SRGAP3: variants seen among roughly 807,000 people sequenced by gnomAD.
SRGAP3 encodes SLIT-ROBO Rho GTPase-activating protein 3.
A neutral mutation model predicts 121.1 loss-of-function variants in SRGAP3; 39 were observed. That is an observed-to-expected ratio of 0.32 (90% CI 0.25 to 0.42). The LOEUF is 0.42. Ranked by LOEUF, SRGAP3 falls within the 10% of genes least tolerant of loss-of-function variation. The pLI, the probability that SRGAP3 is intolerant of heterozygous loss-of-function variation, is 1.00. For missense variants in SRGAP3, 1,213 were observed against 1,470.6 expected, an observed-to-expected ratio of 0.82 and a Z score of 2.86; for synonymous variants, 601 against 570.0, an observed-to-expected ratio of 1.05 and a Z score of -0.77.
intron 5 of SRGAP3, among the ~76,000 whole-genome samples, chr3:9,063,257 T>C (rs1021044823): frequency 9.9e-5 from 15 of 150,840 alleles, no homozygotes; most frequent in African/African-American, 3.2e-4. Flanking sequence ...GCCTCCCAAG[T>C]GGCTGGGACT....
intron 3 of SRGAP3, among the ~76,000 whole-genome samples, chr3:9,093,037 G>A (rs1947820052): frequency 6.6e-6 from 1 of 152,162 alleles, no homozygotes; most frequent in Non-Finnish European, 1.5e-5. Flanking sequence ...GAGCCTGCAT[G>A]CATGTCATGG....
chr3:8,985,976 G>T lies in SRGAP3; in HGVS notation c.2887-44C>A. 1 of 1,599,414 alleles carries T rather than the reference G, an allele frequency of 6.3e-7. No homozygotes were observed. Among genetic ancestry groups the T allele is most frequent in the Non-Finnish European group, 8.5e-7 (1 of 1,179,850 alleles). On this transcript the variant is annotated intron_variant, in intron 21 of 21. Transcript: ENST00000383836. This position sits in a 1 kb window ranked among gnomAD's most constrained non-coding sequence, Gnocchi z 5.1. ...GGGGTCAGCACAGTCTGGAGACCTG[G>T]AGTCAGGTCCTTCCTGTCTGCTAAG... is the stretch of plus-strand genomic sequence containing the variant.
chr3:9,308,548 A>G lies in SRGAP3; in HGVS notation n.442+17462T>C, dbSNP rs1955194322. ...GGGCCCATGTGATTCACTAAATCTC[A>G]TTTCCTCTTGTTTACAGGGTCAGTG... is the stretch of plus-strand genomic sequence containing the variant. On this transcript the variant is annotated intron_variant and non_coding_transcript_variant, in intron 3 of 3. Coordinates refer to the SRGAP3 transcript ENST00000490889. Among the ~76,000 whole-genome samples the G allele has an allele frequency of 2.6e-5, 4 of 152,114 alleles. No homozygotes were observed. The South Asian group carries it at 8.3e-4, about 31-fold the overall frequency.
At chr3:9,046,714 C>A (rs778585550) in intron 10 of SRGAP3, among the ~76,000 whole-genome samples, 31 of 152,314 alleles carry the variant, frequency 2.0e-4, no homozygotes, top group Non-Finnish European at 3.5e-4. Context: ...ATGTCAGTGC[C>A]AGCCTCTGAG....
Position 9,262,534 on chromosome 3 carries a change from C to CAA in SRGAP3, n.442+63474_442+63475dup, listed in dbSNP as rs765408588. Among the ~76,000 whole-genome samples, 213 of 25,566 alleles carry CAA rather than the reference C, an allele frequency of 8.3e-3. 12 individuals are homozygous for CAA. Among genetic ancestry groups the CAA allele is most frequent in the African/African-American group, 0.016 (130 of 7,888 alleles). 16.8% of individuals were successfully genotyped at this position (25,566 alleles called of 152,430 possible). A position where few individuals can be genotyped will look rare whatever the true frequency, so the allele number is the denominator to read the frequency against. ...GAAGATTTACCAAGCAAATGGAAAG[C>CAA]AAAAAAAAAAAAAAAAAAAAAAGCA... On this transcript the variant is annotated intron_variant and non_coding_transcript_variant, in intron 3 of 3. Transcript: ENST00000490889.
chr3:9,291,156 G>C (rs141586399), intron 3 of SRGAP3, among the ~76,000 whole-genome samples: 1 of 152,202 alleles, frequency 6.6e-6, no homozygotes, highest in Non-Finnish European at 1.5e-5. Context: ...ACATTGATGT[G>C]TATACATGAT....
At chr3:9,244,081 A>G (rs1013122413) in intron 1 of SRGAP3, among the ~76,000 whole-genome samples, 5 of 152,112 alleles carry the variant, frequency 3.3e-5, no homozygotes, top group African/African-American at 1.2e-4. Flanking sequence ...TCTTCATTTT[A>G]TCCTGTTGAA....
chr3:9,340,626 A>G (rs1458311022), intron 1 of SRGAP3, among the ~76,000 whole-genome samples: 1 of 152,170 alleles, frequency 6.6e-6, no homozygotes, highest in Admixed American at 6.5e-5. Context: ...TCATCCCAGA[A>G]GTCCATCATA....
chr3:9,271,961 A>G (rs376009826), intron 3 of SRGAP3, among the ~76,000 whole-genome samples: 1 of 152,246 alleles, frequency 6.6e-6, no homozygotes, highest in Admixed American at 6.5e-5. Context: ...GAATATGGCT[A>G]TCTTAATAAC....
At chr3:9,097,321 T>C (rs2124883294) in intron 3 of SRGAP3, among the ~76,000 whole-genome samples, 1 of 152,260 alleles carries the variant, frequency 6.6e-6, no homozygotes, top group Non-Finnish European at 1.5e-5. Context: ...ATAGATTGTT[T>C]ATTGTGTACC....
At chr3:9,139,790 T>C (rs1012114925) in intron 1 of SRGAP3, among the ~76,000 whole-genome samples, 1 of 152,122 alleles carries the variant, frequency 6.6e-6, no homozygotes, top group African/African-American at 2.4e-5. Flanking sequence ...GAGTATCGTC[T>C]AAAAGGGGAA....
intron 1 of SRGAP3, among the ~76,000 whole-genome samples, chr3:9,139,494 C>A (rs1378288214): frequency 1.3e-5 from 2 of 152,186 alleles, no homozygotes; most frequent in Admixed American, 1.3e-4. Flanking sequence ...AACCACAAGC[C>A]AAGGAATGCT....
At chr3:9,161,500 C>T (rs1255021082) in intron 1 of SRGAP3, among the ~76,000 whole-genome samples, 4 of 152,216 alleles carry the variant, frequency 2.6e-5, no homozygotes, top group East Asian at 1.9e-4. Flanking sequence ...CCCAAGGTCA[C>T]GTGGGCTGGA....
chr3:9,328,659 T>C (rs112483605), intron 2 of SRGAP3, among the ~76,000 whole-genome samples: 68 of 152,292 alleles, frequency 4.5e-4, no homozygotes, highest in African/African-American at 1.6e-3. Flanking sequence ...TAAAATAGTC[T>C]GTGGAAGAGA....
intron 21 of SRGAP3, among the ~76,000 whole-genome samples, chr3:8,988,198 C>T (rs1447040897): frequency 3.3e-5 from 5 of 152,328 alleles, no homozygotes; most frequent in Admixed American, 6.5e-5. Context: ...TTTTCATCTC[C>T]TCCCCAATTC....
chr3:9,354,701 A>G (rs1484502494), intron 1 of SRGAP3, among the ~76,000 whole-genome samples: 1 of 149,936 alleles, frequency 6.7e-6, no homozygotes, highest in Non-Finnish European at 1.5e-5. Flanking sequence ...AAAAAAAAAA[A>G]GAATAGGCAA....
chr3:9,069,808 G>A (rs1452111759), intron 4 of SRGAP3, among the ~76,000 whole-genome samples: 6 of 152,150 alleles, frequency 3.9e-5, no homozygotes, highest in East Asian at 1.9e-4. Flanking sequence ...TCAGCCAGGC[G>A]TGGTGGTGGG....
chr3:9,009,989 T>C (rs1306125741), intron 18 of SRGAP3, among the ~76,000 whole-genome samples: 1 of 152,178 alleles, frequency 6.6e-6, no homozygotes, highest in African/African-American at 2.4e-5. Flanking sequence ...GGAACAGAGC[T>C]TGCTTTCTAC....
intron 21 of SRGAP3, among the ~76,000 whole-genome samples, chr3:8,986,842 T>C (rs940421855): frequency 2.6e-5 from 4 of 152,202 alleles, no homozygotes; most frequent in Non-Finnish European, 5.9e-5. Flanking sequence ...AGCACTCTGA[T>C]TGAGCACTCT....
Sources: gnomAD v4.1 joint callset for allele counts (sites outside exome capture counted in the v4.1 genomes callset) on GRCh38, gnomAD v4.1.1 for gene constraint, Gnocchi (gnomAD v3.1) non-coding constraint, MANE v1.5 for transcripts, NCBI Gene and HGNC (gene_info 2026-07-23, HGNC 2026-07-21) for gene names.